The following ADAMTS12 variants were observed in gnomAD, a reference collection of about 807,000 sequenced individuals.
The protein encoded by ADAMTS12 is ADAM metallopeptidase with thrombospondin type 1 motif 12, also known as A disintegrin and metalloproteinase with thrombospondin motifs 12.
A neutral mutation model predicts 167.8 loss-of-function variants in ADAMTS12; 118 were observed. The observed-to-expected ratio is 0.70, with a 90% CI of 0.61 to 0.82. The LOEUF (loss-of-function observed/expected upper bound fraction) is 0.82. ADAMTS12 is among the 40% of genes least tolerant of loss of function. The pLI, the probability that ADAMTS12 is intolerant of heterozygous loss-of-function variation, is 0.00. For synonymous variants in ADAMTS12, 704 were observed against 716.9 expected, an observed-to-expected ratio of 0.98 and a Z score of 0.29; for missense variants, 1,916 against 1,998.8, an observed-to-expected ratio of 0.96 and a Z score of 0.79.
chr5:33,852,787 G>A (rs906159255), intron 2 of ADAMTS12, among the ~76,000 whole-genome samples: 5 of 152,190 alleles, frequency 3.3e-5, no homozygotes, highest in Admixed American at 1.3e-4. Flanking sequence ...ATTTGTATGT[G>A]TTTGTTGAAA....
At chr5:33,818,939 T>C (rs770217112) in intron 2 of ADAMTS12, among the ~76,000 whole-genome samples, 1 of 152,130 alleles carries the variant, frequency 6.6e-6, no homozygotes, top group Non-Finnish European at 1.5e-5. Context: ...AATTATTTTG[T>C]TTTCTGCTAT....
chr5:33,834,469 A>G (rs903495672), intron 2 of ADAMTS12, among the ~76,000 whole-genome samples: 1 of 152,228 alleles, frequency 6.6e-6, no homozygotes, highest in Non-Finnish European at 1.5e-5. Flanking sequence ...GGTTTCCATC[A>G]GAGCCACATT....
At chr5:33,818,786 T>C (rs1237774000) in intron 2 of ADAMTS12, among the ~76,000 whole-genome samples, 4 of 152,134 alleles carry the variant, frequency 2.6e-5, no homozygotes, top group Non-Finnish European at 1.5e-5. Flanking sequence ...AACTTACCAG[T>C]GTGAGGTGAT....
chr5:33,594,153 C>T (rs563504926), intron 17 of ADAMTS12, among the ~76,000 whole-genome samples: 2 of 152,244 alleles, frequency 1.3e-5, no homozygotes, highest in East Asian at 1.9e-4. Flanking sequence ...GGCGGATTGC[C>T]CCATACTGTT....
intron 7 of ADAMTS12, among the ~76,000 whole-genome samples, chr5:33,650,034 G>C (rs1399342778): frequency 6.6e-6 from 1 of 152,154 alleles, no homozygotes; most frequent in Non-Finnish European, 1.5e-5. Context: ...CCAGCTATTT[G>C]CTTTCTCCTG....
chr5:33,545,091 A>G (rs1253501117), intron 22 of ADAMTS12, among the ~76,000 whole-genome samples: 1 of 152,186 alleles, frequency 6.6e-6, no homozygotes, highest in Admixed American at 6.5e-5. Context: ...AATGGGAGAA[A>G]ATTTTTGCAA....
At position 33,684,015 on chromosome 5, in the gene ADAMTS12, C is replaced by T. The variant is rs149388187; in HGVS notation, c.675G>A (p.Glu225=). 136 of 1,603,824 alleles carry T rather than the reference C, an allele frequency of 8.5e-5. No homozygotes were observed. The African/African-American group carries it at 1.6e-3, about 19-fold the overall frequency. The change falls in exon 4 of 24, where the codon GAG becomes GAA. Residue 225 remains glutamate, a synonymous_variant. Transcript: ENST00000504830. ...TTGGCAAGTTGTGCCTCTCCCACTT[C>T]TCCCGCCATAGCTCTTGCTTCTGGG... ...NISQKQELWR[E]KWERHNLPSR...
At chr5:33,882,949 A>G (rs551475309) in intron 1 of ADAMTS12, among the ~76,000 whole-genome samples, 86 of 152,314 alleles carry the variant, frequency 5.6e-4, no homozygotes, top group African/African-American at 2.0e-3. Flanking sequence ...TGCACTTTGG[A>G]TCTTGCTTTT....
Position 33,692,350 on chromosome 5 carries a change from T to C in ADAMTS12, c.635-8295A>G, listed in dbSNP as rs530000688. 2.8e-4 allele frequency among the ~76,000 whole-genome samples: 42 copies of C among 152,302 alleles called. 1 individual carries two copies. In the South Asian group the frequency reaches 6.6e-3, roughly 24 times the overall value. On this transcript the variant is annotated intron_variant, in intron 3 of 23. Transcript: ENST00000504830. ...GAAGAAGATGGAATAATATAGAAGA[T>C]AGACAATAGAAGGAGCCTGGGTTCC... is the stretch of plus-strand genomic sequence containing the variant.
At chr5:33,622,705 G>A (rs1246104410) in intron 14 of ADAMTS12, among the ~76,000 whole-genome samples, 7 of 151,848 alleles carry the variant, frequency 4.6e-5, no homozygotes, top group Non-Finnish European at 2.9e-5. Flanking sequence ...GCAGAAATAC[G>A]ATTTTAAGTG....
At chr5:33,816,949 G>T (rs533925566) in intron 2 of ADAMTS12, among the ~76,000 whole-genome samples, 46 of 152,246 alleles carry the variant, frequency 3.0e-4, no homozygotes, top group Middle Eastern at 3.4e-3. Context: ...ATAAACTATT[G>T]TTTCCCTCAG....
intron 2 of ADAMTS12, among the ~76,000 whole-genome samples, chr5:33,762,476 C>G (rs1183369602): frequency 6.6e-6 from 1 of 151,560 alleles, no homozygotes; most frequent in Non-Finnish European, 1.5e-5. Flanking sequence ...CTACTGCACT[C>G]CAGCCTGGGC....
At chr5:33,766,226 A>G (rs1348144183) in intron 2 of ADAMTS12, among the ~76,000 whole-genome samples, 3 of 152,192 alleles carry the variant, frequency 2.0e-5, no homozygotes, top group Admixed American at 1.3e-4. Flanking sequence ...CCACGTGATC[A>G]AGGTTAGCAT....
At chr5:33,782,829 T>G (rs1463156326) in intron 2 of ADAMTS12, among the ~76,000 whole-genome samples, 2 of 152,044 alleles carry the variant, frequency 1.3e-5, no homozygotes, top group Non-Finnish European at 2.9e-5. Context: ...TATGCAAAAT[T>G]ATTGCTTCAT....
At chr5:33,594,838 T>C (rs1747834995) in intron 17 of ADAMTS12, among the ~76,000 whole-genome samples, 1 of 152,186 alleles carries the variant, frequency 6.6e-6, no homozygotes, top group Non-Finnish European at 1.5e-5. Context: ...CTGACATCAT[T>C]TTTTTCAACT....
At chr5:33,781,249 G>A (rs956588942) in intron 2 of ADAMTS12, among the ~76,000 whole-genome samples, 4 of 149,476 alleles carry the variant, frequency 2.7e-5, no homozygotes, top group Admixed American at 2.6e-4. Flanking sequence ...ATATGTGCAT[G>A]TGTGTGTGTG....
intron 18 of ADAMTS12, among the ~76,000 whole-genome samples, chr5:33,578,298 A>G (rs1746864889): frequency 6.6e-6 from 1 of 152,186 alleles, no homozygotes; most frequent in Non-Finnish European, 1.5e-5. Context: ...TGAGATGTAC[A>G]AGGCAGGAAC....
intron 3 of ADAMTS12, among the ~76,000 whole-genome samples, chr5:33,742,466 T>A (rs1862591): frequency 0.86 from 130,988 of 152,114 alleles, 56,581 homozygotes; most frequent in Non-Finnish European, 0.89. Context: ...TTCATAGTTA[T>A]CATTAATTGC....
chr5:33,573,174 C>T (rs1317581380), intron 19 of ADAMTS12, among the ~76,000 whole-genome samples: 8 of 151,776 alleles, frequency 5.3e-5, no homozygotes, highest in African/African-American at 1.7e-4. Context: ...GCCATACTGC[C>T]CAAGGTAATT....
Sources: gnomAD v4.1 joint callset for allele counts (sites outside exome capture counted in the v4.1 genomes callset) on GRCh38, gnomAD v4.1.1 for gene constraint, MANE v1.5 for transcripts, NCBI Gene and HGNC (gene_info 2026-07-23, HGNC 2026-07-21) for gene names.